The following CLTRN variants were observed in gnomAD, a reference collection of about 807,000 sequenced individuals.
CLTRN encodes collectrin, amino acid transport regulator.
Under a neutral mutation model 14.5 loss-of-function variants are expected in CLTRN, and 12 were observed. The ratio of observed to expected loss-of-function variants is 0.83; its 90% CI spans 0.53 to 1.34. The LOEUF (loss-of-function observed/expected upper bound fraction) is 1.34, where lower values mean the gene tolerates loss of function less well. Ranked by LOEUF, CLTRN falls within the 40% of genes most tolerant of loss-of-function variation. The probability of loss-of-function intolerance (pLI) is 0.00; values close to 1 mark genes in which losing one functional copy is unlikely to be tolerated. For missense variants in CLTRN, 154 were observed against 165.1 expected (o/e 0.93, Z 0.37); for synonymous variants, 58 against 56.5 (o/e 1.03, Z -0.12).
At chrX:15,633,836 G>C (rs111615827) in intron 5 of CLTRN, among the ~76,000 whole-genome samples, 3,683 of 112,267 alleles carry the variant, frequency 0.033, 137 homozygotes, top group African/African-American at 0.11. Context: ...ACCTGGCTTT[G>C]TTACTATAAG....
intron 4 of CLTRN, 63 bp from the exon 5 acceptor site, chrX:15,639,819 G>C: frequency 1.0e-6 from 1 of 963,709 alleles, no homozygotes. Context: ...TTAAGACAAA[G>C]TACAAACCTG....
intron 3 of CLTRN, among the ~76,000 whole-genome samples, chrX:15,658,710 T>TTA (rs56162633): frequency 0.02 from 1,948 of 98,698 alleles, 31 homozygotes; most frequent in Middle Eastern, 0.034. Flanking sequence ...TGCAAGAAAA[T>TTA]TATATATATA....
In CLTRN at chrX:15,642,744, C is replaced by A. The variant is rs1008795322; in HGVS notation, c.317+2172G>T. ...GTGGCCTTAACAAATCAATTAATCTCCCTGAGCCTCAGTTTCTTCATTTAT... is the reference window on the plus strand; with the variant it reads ...GTGGCCTTAACAAATCAATTAATCTACCTGAGCCTCAGTTTCTTCATTTAT... On this transcript the variant is annotated intron_variant, in intron 4 of 5. Transcript: ENST00000380342. 1.1e-4 allele frequency among the ~76,000 whole-genome samples: 12 copies of A among 111,419 alleles called. No homozygotes were observed. The Admixed American group carries it at 1.1e-3, about 11-fold the overall frequency.
chrX:15,658,733 TAC>T (rs1275925300), intron 3 of CLTRN, among the ~76,000 whole-genome samples: 74 of 82,000 alleles, frequency 9.0e-4, no homozygotes, highest in Non-Finnish European at 1.5e-3. Context: ...TATATATATA[TAC>T]ACACACACAC....
chrX:15,635,938 C>T (rs932751920), intron 5 of CLTRN, among the ~76,000 whole-genome samples: 2 of 111,664 alleles, frequency 1.8e-5, no homozygotes, highest in Admixed American at 9.5e-5. Context: ...CCAACGGGTA[C>T]ATGAAAGAAT....
At chrX:15,641,947 G>C (rs893507177) in intron 4 of CLTRN, among the ~76,000 whole-genome samples, 1 of 111,378 alleles carries the variant, frequency 9.0e-6, no homozygotes, top group Non-Finnish European at 1.9e-5. Flanking sequence ...GCTGTGGCAT[G>C]ATTATTCATG....
intron 3 of CLTRN, among the ~76,000 whole-genome samples, chrX:15,649,771 T>G (rs1321953124): frequency 1.8e-5 from 2 of 110,625 alleles, no homozygotes; most frequent in African/African-American, 6.6e-5. Flanking sequence ...CAGTACCAAG[T>G]AAGAAACACT....
At chrX:15,657,326 C>T (rs770138191) in intron 3 of CLTRN, among the ~76,000 whole-genome samples, 8 of 112,439 alleles carry the variant, frequency 7.1e-5, no homozygotes, top group Admixed American at 2.8e-4. Flanking sequence ...AGTCAAACAA[C>T]CTTTCAAATA....
intron 3 of CLTRN, among the ~76,000 whole-genome samples, chrX:15,657,175 G>C (rs1929389694): frequency 9.0e-6 from 1 of 111,115 alleles, no homozygotes; most frequent in African/African-American, 3.3e-5. Flanking sequence ...ATTTTTTGTA[G>C]AAACGAGGTT....
intron 2 of CLTRN, among the ~76,000 whole-genome samples, chrX:15,662,746 C>T (rs1341815029): frequency 2.7e-5 from 3 of 111,535 alleles, no homozygotes; most frequent in Non-Finnish European, 5.6e-5. Context: ...TCTAAAATCA[C>T]CATTGACCTC....
At chrX:15,638,377 T>A in intron 5 of CLTRN, among the ~76,000 whole-genome samples, 1 of 112,096 alleles carries the variant, frequency 8.9e-6, no homozygotes, top group Middle Eastern at 4.6e-3. Flanking sequence ...TGAATAAAAT[T>A]ACAAAGCCCA....
intron 2 of CLTRN, among the ~76,000 whole-genome samples, chrX:15,661,944 C>T (rs1226554351): frequency 8.9e-6 from 1 of 111,906 alleles, no homozygotes; most frequent in Non-Finnish European, 1.9e-5. Flanking sequence ...GCTCACCTTG[C>T]TTTTTGCACA....
chrX:15,671,844 G>GCA (rs199900262), intron 1 of CLTRN, among the ~76,000 whole-genome samples: 3,007 of 89,995 alleles, frequency 0.033, 56 homozygotes, highest in Non-Finnish European at 0.047. Flanking sequence ...TTTTATGCGC[G>GCA]CACACACACA....
At chrX:15,672,052 T>C (rs1021192760) in intron 1 of CLTRN, among the ~76,000 whole-genome samples, 1 of 112,460 alleles carries the variant, frequency 8.9e-6, no homozygotes, top group Non-Finnish European at 1.9e-5. Flanking sequence ...AACTTTGTCT[T>C]ATTCTTCACA....
intron 2 of CLTRN, among the ~76,000 whole-genome samples, chrX:15,659,504 G>A (rs1049190871): frequency 9.0e-6 from 1 of 111,170 alleles, no homozygotes; most frequent in Non-Finnish European, 1.9e-5. Context: ...AATTTTCTTA[G>A]CCAGAAACTT....
At chrX:15,652,465 T>C (rs1929240694) in intron 3 of CLTRN, among the ~76,000 whole-genome samples, 1 of 99,940 alleles carries the variant, frequency 1.0e-5, no homozygotes, top group African/African-American at 3.9e-5. Flanking sequence ...ACAGCAACTT[T>C]ACAGACAAAA....
chrX:15,641,177 T>A lies in CLTRN; in HGVS notation c.318-1421A>T, dbSNP rs780674887. On this transcript the variant is annotated intron_variant, in intron 4 of 5. Transcript: ENST00000380342. ...ACTTTTCCTAGGAAATATCTGCATT[T>A]TTAGTGGTGGTGGCAGTTAAGGAGA... Among the ~76,000 whole-genome samples the A allele has an allele frequency of 1.3e-3, 143 of 112,292 alleles. 1 individual carries two copies. The highest frequency in any genetic ancestry group is 4.6e-3 in the Middle Eastern group (1 of 217).
intron 3 of CLTRN, chrX:15,646,458 A>ATC: frequency 7.9e-5 from 18 of 228,791 alleles, no homozygotes; most frequent in Non-Finnish European, 9.6e-5. Context: ...AAAACCGCGC[A>ATC]CCCACCCCCC....
intron 3 of CLTRN, among the ~76,000 whole-genome samples, chrX:15,658,434 A>T (rs1007664556): frequency 1.8e-5 from 2 of 112,435 alleles, no homozygotes; most frequent in Middle Eastern, 4.7e-3. Context: ...CACCAATCAC[A>T]TAAGTCATTT....
Sources: gnomAD v4.1 joint callset for allele counts (sites outside exome capture counted in the v4.1 genomes callset) on GRCh38, gnomAD v4.1.1 for gene constraint, MANE v1.5 for transcripts, NCBI Gene and HGNC (gene_info 2026-07-23, HGNC 2026-07-21) for gene names.